ATP5MG: variants seen among roughly 807,000 people sequenced by gnomAD.
ATP5MG encodes the protein ATP synthase membrane subunit g, also known as ATP synthase F(0) complex subunit g, mitochondrial.
ATP5MG carries 7 observed loss-of-function variants against 12.7 expected under a neutral mutation model. That is an observed-to-expected ratio of 0.55 (90% CI 0.31 to 1.04). The LOEUF is 1.04. ATP5MG is among the 50% of genes least tolerant of loss of function. The pLI, the probability that ATP5MG is intolerant of heterozygous loss-of-function variation, is 0.05. For missense variants in ATP5MG, 116 were observed against 126.7 expected (o/e 0.92, Z 0.41); for synonymous variants, 53 against 48.2 (o/e 1.10, Z -0.41).
Position 118,408,970 on chromosome 11 carries a change from G to T in ATP5MG, c.214-30G>T, listed in dbSNP as rs201237955. The T allele has an allele frequency of 2.9e-5, 29 of 1,006,166 alleles. 1 individual carries two copies. The highest frequency in any genetic ancestry group is 1.4e-4 in the African/African-American group (8 of 59,042). 62.3% of individuals were successfully genotyped at this position (1,006,166 alleles called of 1,614,324 possible). A position where few individuals can be genotyped will look rare whatever the true frequency, so the allele number is the denominator to read the frequency against. On this transcript the variant is annotated intron_variant, in intron 2 of 2. Transcript: ENST00000300688. ...ATATAATTATATATATATATAAAAG[G>T]TACCTTAAAATGTATGCTTCTTTTT...
At position 118,401,859 on chromosome 11, in the gene ATP5MG, A is replaced by AAGCAGGT; in HGVS notation, c.52+143_52+149dup. ...ATGGCCTGCAGGTGGAGGGAGCAGGAAGCAGGTTGGCGACTCTTTTCTAGC... is the reference window on the plus strand; with the variant it reads ...ATGGCCTGCAGGTGGAGGGAGCAGGAAGCAGGTAGCAGGTTGGCGACTCTTTTCTAGC... On this transcript the variant is annotated intron_variant, in intron 1 of 2. Transcript: ENST00000300688. 4 of 1,010,312 alleles carry AAGCAGGT rather than the reference A, an allele frequency of 4.0e-6. No homozygotes were observed. The South Asian group carries it at 6.7e-5, about 17-fold the overall frequency. The allele number at this position is 1,010,312 out of a possible 1,614,324, so 62.6% of individuals were successfully genotyped here. A position where few individuals can be genotyped will look rare whatever the true frequency, so the allele number is the denominator to read the frequency against.
At chr11:118,402,314 G>A (rs552815162) in intron 1 of ATP5MG, among the ~76,000 whole-genome samples, 5 of 152,168 alleles carry the variant, frequency 3.3e-5, no homozygotes, top group Admixed American at 1.3e-4. Context: ...GACGGGATCC[G>A]TATAAACAAT....
chr11:118,403,846 A>G (rs1555131663), intron 1 of ATP5MG: 2 of 151,268 alleles, frequency 1.3e-5, no homozygotes, highest in African/African-American at 4.8e-5. Flanking sequence ...TTCACTCTGG[A>G]CTTTGTGGGT....
intron 2 of ATP5MG, among the ~76,000 whole-genome samples, chr11:118,407,657 C>T (rs949835806): frequency 6.6e-6 from 1 of 151,836 alleles, no homozygotes; most frequent in Non-Finnish European, 1.5e-5. Context: ...CGCTTGAGGC[C>T]AGAAGTTCAA....
At chr11:118,402,388 C>T (rs1948935782) in intron 1 of ATP5MG, among the ~76,000 whole-genome samples, 1 of 152,084 alleles carries the variant, frequency 6.6e-6, no homozygotes, top group Non-Finnish European at 1.5e-5. Context: ...CACTGGTAGA[C>T]CGCTGTATTT....
chr11:118,406,487 C>A (rs1306332733), intron 1 of ATP5MG: 2 of 171,842 alleles, frequency 1.2e-5, no homozygotes, highest in East Asian at 1.5e-4. Flanking sequence ...GATAACTTTT[C>A]ATCTTGTTCT....
chr11:118,407,678 G>C (rs1159396525), intron 2 of ATP5MG, among the ~76,000 whole-genome samples: 1 of 151,778 alleles, frequency 6.6e-6, no homozygotes, highest in East Asian at 1.9e-4. Flanking sequence ...GACCAGCCTG[G>C]ACAACATAGC....
chr11:118,409,048 T>A lies in ATP5MG; in HGVS notation c.262T>A (p.Tyr88Asn), dbSNP rs1948995812. Residue 88 changes from tyrosine to asparagine, a missense_variant, in exon 3 of 3, where the codon TAT (tyrosine) becomes AAT (asparagine). By Grantham distance (143) the Tyr-to-Asn change is moderately radical (BLOSUM62 -2). Coordinates refer to ENST00000300688, the MANE Select transcript of ATP5MG (RefSeq NM_006476.5). ...LVATEVLMWF[Y>N]VGEIIGKRGI... ...GGCCACTGAGGTGTTGATGTGGTTT[T>A]ATGTCGGAGAGATTATAGGCAAGCG... 6.2e-7 allele frequency: 1 copy of A among 1,608,256 alleles called. No homozygotes were observed. Among genetic ancestry groups the A allele is most frequent in the South Asian group, 1.1e-5 (1 of 90,490 alleles).
At chr11:118,405,811 A>G (rs1948967314) in intron 1 of ATP5MG, 3 of 646,970 alleles carry the variant, frequency 4.6e-6, no homozygotes, top group Non-Finnish European at 5.8e-6. Context: ...GCCTTGGGTA[A>G]TCTGTCTTTG....
At position 118,408,163 on chromosome 11, in the gene ATP5MG, A is replaced by G. The variant is rs574570604; in HGVS notation, c.214-837A>G. Among the ~76,000 whole-genome samples the G allele has an allele frequency of 3.9e-5, 6 of 152,252 alleles. No homozygotes were observed. The South Asian group carries it at 1.2e-3, about 32-fold the overall frequency. ...GGTGACAGAGCGAGACTCCATCTCAAAAAAAAGAAAAAGGAAAGAAAAGAA... is the reference window on the plus strand; with the variant it reads ...GGTGACAGAGCGAGACTCCATCTCAGAAAAAAGAAAAAGGAAAGAAAAGAA... On this transcript the variant is annotated intron_variant, in intron 2 of 2. Coordinates refer to ENST00000300688, the MANE Select transcript of ATP5MG (RefSeq NM_006476.5).
In ATP5MG at chr11:118,409,820, T is replaced by A. The variant is rs1949001769; in HGVS notation, c.*722T>A. 1 of 152,228 alleles carries A rather than the reference T, an allele frequency of 6.6e-6. No individual in the cohort carries two copies. Among genetic ancestry groups the A allele is most frequent in the Non-Finnish European group, 1.5e-5 (1 of 68,052 alleles). The allele number at this position is 152,228 out of a possible 1,614,324, so 9.4% of individuals were successfully genotyped here. On this transcript the variant is annotated 3_prime_UTR_variant, in exon 3 of 3. Coordinates refer to ENST00000300688, the MANE Select transcript of ATP5MG (RefSeq NM_006476.5). ...CCCTGGATCTAAATAGTATATTATA[T>A]CCTGAAATAAATGAAATGATTGCTA... is the stretch of plus-strand genomic sequence containing the variant.
At chr11:118,408,965 A>T in intron 2 of ATP5MG, 35 bp from the exon 3 acceptor site, 1 of 872,786 alleles carries the variant, frequency 1.1e-6, no homozygotes, top group Non-Finnish European at 1.7e-6. Context: ...ATATATATAT[A>T]AAAGGTACCT....
intron 2 of ATP5MG, among the ~76,000 whole-genome samples, chr11:118,408,303 T>A (rs1948990080): frequency 6.6e-6 from 1 of 152,260 alleles, no homozygotes; most frequent in Non-Finnish European, 1.5e-5. Context: ...AAGACTTCCA[T>A]AAATTTCTGG....
Position 118,409,203 on chromosome 11 carries a change from AG to A in ATP5MG, c.*106del. The A allele has an allele frequency of 1.4e-6, 1 of 713,576 alleles. No homozygotes were observed. The highest frequency in any genetic ancestry group is 2.0e-6 in the Non-Finnish European group (1 of 489,448). 44.2% of individuals were successfully genotyped at this position (713,576 alleles called of 1,614,324 possible). ...AATAAAATAAGATTTGTCAAAACTC[AG>A]TGTTTTCTCCATCAGATACTCCATG... is the stretch of plus-strand genomic sequence containing the variant. On this transcript the variant is annotated 3_prime_UTR_variant, in exon 3 of 3. Transcript: ENST00000300688.
Position 118,409,375 on chromosome 11 carries a change from G to GTACCT in ATP5MG, c.*278_*279insACCTT. The GTACCT allele has an allele frequency of 1.1e-5, 2 of 177,126 alleles. No individual in the cohort carries two copies. 11.0% of individuals were successfully genotyped at this position (177,126 alleles called of 1,614,324 possible). ...ATGGGGATAACATTTTAATTTGAAG[G>GTACCT]TTTGGAATATATATATTTAAGCTTT... On this transcript the variant is annotated 3_prime_UTR_variant, in exon 3 of 3. Coordinates refer to ENST00000300688, the MANE Select transcript of ATP5MG (RefSeq NM_006476.5).
chr11:118,401,824 C>G, intron 1 of ATP5MG, 107 bp downstream of exon 1: 1 of 1,374,540 alleles, frequency 7.3e-7, no homozygotes, highest in Non-Finnish European at 9.8e-7. Flanking sequence ...CCTGCGGGTG[C>G]CGGGGCGGGA....
At chr11:118,405,556 A>ATTT in intron 1 of ATP5MG, 1 of 619,774 alleles carries the variant, frequency 1.6e-6, no homozygotes, top group Non-Finnish European at 2.0e-6. Context: ...ATACTGATTC[A>ATTT]TTTTTTTTTT....
At chr11:118,408,352 A>G (rs1451757548) in intron 2 of ATP5MG, among the ~76,000 whole-genome samples, 1 of 152,172 alleles carries the variant, frequency 6.6e-6, no homozygotes, top group Non-Finnish European at 1.5e-5. Context: ...AGAAGTGCTA[A>G]AAGGAAAAGG....
intron 1 of ATP5MG, among the ~76,000 whole-genome samples, chr11:118,403,648 C>A (rs1555131581): frequency 6.6e-6 from 1 of 151,182 alleles, no homozygotes; most frequent in Non-Finnish European, 1.5e-5. Context: ...CAGAAATTAG[C>A]CGGGCATGGT....
Sources: allele counts gnomAD v4.1 joint callset (sites outside exome capture counted in the v4.1 genomes callset), GRCh38; gene constraint gnomAD v4.1.1; transcripts MANE v1.5; gene names NCBI Gene and HGNC (gene_info 2026-07-23, HGNC 2026-07-21).